EP400: variants seen among roughly 807,000 people sequenced by gnomAD.
EP400 encodes E1A binding protein p400, also known as E1A-binding protein p400.
In EP400, 105 loss-of-function variants were observed where a neutral mutation model predicts 354.1. The observed-to-expected ratio is 0.30, with a 90% CI of 0.25 to 0.35. The LOEUF is 0.35. Ranked by LOEUF, EP400 falls within the 10% of genes least tolerant of loss-of-function variation. EP400 has a pLI of 1.00. For synonymous variants in EP400, 1,646 were observed against 1,716.9 expected (o/e 0.96, Z 1.02); for missense variants, 3,280 against 4,121.0 (o/e 0.80, Z 5.59).
In EP400 at chr12:132,018,579, C is replaced by T. The variant is rs1023555777; in HGVS notation, c.4277+203C>T. Among the ~76,000 whole-genome samples, 8 of 152,232 alleles carry T rather than the reference C, an allele frequency of 5.3e-5. No individual in the cohort carries two copies. Among genetic ancestry groups the T allele is most frequent in the African/African-American group, 1.7e-4 (7 of 41,458 alleles). On this transcript the variant is annotated intron_variant, in intron 21 of 52. Coordinates refer to ENST00000389561, the MANE Select transcript of EP400 (RefSeq NM_015409.5). This position sits in a 1 kb window ranked among gnomAD's most constrained non-coding sequence, Gnocchi z 4.0. ...TGTGGTGCAGTGCAACTGCTTGCCTCCCTGAGCAGCAACCTCCTTGATCGT... is the reference window on the plus strand; with the variant it reads ...TGTGGTGCAGTGCAACTGCTTGCCTTCCTGAGCAGCAACCTCCTTGATCGT...
At chr12:131,981,626 G>A (rs1055278928) in intron 4 of EP400, 30 bp downstream of exon 4, 20 of 1,551,784 alleles carry the variant, frequency 1.3e-5, no homozygotes, top group South Asian at 2.3e-5. Flanking sequence ...CCAGCTCCCC[G>A]CTCAGGAGCA....
chr12:132,053,330 C>T lies in EP400; in HGVS notation c.7474-13C>T, dbSNP rs1163644158. The T allele has an allele frequency of 6.3e-7, 1 of 1,590,058 alleles. No individual in the cohort carries two copies. Among genetic ancestry groups the T allele is most frequent in the East Asian group, 2.2e-5 (1 of 44,724 alleles). ...GCCCCTCCAGTGGCTCCTCTTCCTTCCTGGCCCCTCAGGCTCTGGCTGATC... is the reference window on the plus strand; with the variant it reads ...GCCCCTCCAGTGGCTCCTCTTCCTTTCTGGCCCCTCAGGCTCTGGCTGATC... On this transcript the variant is annotated splice_polypyrimidine_tract_variant and intron_variant, in intron 42 of 52. Coordinates refer to ENST00000389561, the MANE Select transcript of EP400 (RefSeq NM_015409.5).
At chr12:132,064,314 A>G (rs987339191) in intron 47 of EP400, among the ~76,000 whole-genome samples, 21 of 152,244 alleles carry the variant, frequency 1.4e-4, no homozygotes, top group African/African-American at 4.6e-4. Flanking sequence ...TGATCAACTC[A>G]GTATAGGTTT....
intron 19 of EP400, among the ~76,000 whole-genome samples, chr12:132,015,990 AC>A: frequency 6.6e-6 from 1 of 151,012 alleles, no homozygotes; most frequent in Non-Finnish European, 1.5e-5. Context: ...ACCTGCCCAG[AC>A]CCCCCTGTGC....
chr12:131,991,443 A>G lies in EP400; in HGVS notation c.2666A>G (p.Gln889Arg). Residue 889 changes from glutamine (Q) to arginine (R), a missense_variant, in exon 10 of 53, where the codon CAG (glutamine) becomes CGG (arginine). Transcript: ENST00000389561. ...ELRPKGFDALQESSLDSGMSG... is the reference protein window; with the variant it reads ...ELRPKGFDALRESSLDSGMSG... ...AGACCTAAAGGATTTGACGCATTAC[A>G]GGAAAGTTCTCTGGTAAGTTTGGGG... 6.2e-7 allele frequency: 1 copy of G among 1,614,076 alleles called. No individual in the cohort carries two copies. Among genetic ancestry groups the G allele is most frequent in the Non-Finnish European group, 8.5e-7 (1 of 1,179,972 alleles).
intron 50 of EP400, 40 bp from the exon 51 acceptor site, chr12:132,069,455 G>A: frequency 6.2e-7 from 1 of 1,603,854 alleles, no homozygotes; most frequent in Non-Finnish European, 8.5e-7. Context: ...CTTGAGCGCG[G>A]CATGGTCTCT....
chr12:131,955,574 G>T (rs886183380), intron 1 of EP400, among the ~76,000 whole-genome samples: 13 of 150,872 alleles, frequency 8.6e-5, no homozygotes, highest in African/African-American at 4.9e-5. Flanking sequence ...GAGCCAGCGT[G>T]CTCATCCAAG....
At chr12:131,970,545 A>G (rs1467527940) in intron 2 of EP400, among the ~76,000 whole-genome samples, 3 of 152,218 alleles carry the variant, frequency 2.0e-5, no homozygotes, top group East Asian at 3.8e-4. Flanking sequence ...GGAAAGAACC[A>G]GATTGTCCAT....
At chr12:131,973,988 ATTTTT>A (rs57974341) in intron 2 of EP400, among the ~76,000 whole-genome samples, 1 of 128,744 alleles carries the variant, frequency 7.8e-6, no homozygotes, top group Non-Finnish European at 1.7e-5. Flanking sequence ...ATGTGTTTGT[ATTTTT>A]TTTTTTTTTT....
intron 48 of EP400, chr12:132,065,143 C>G (rs564708501): frequency 3.1e-6 from 2 of 641,646 alleles, no homozygotes; most frequent in South Asian, 2.1e-5. Flanking sequence ...GGAGAGTGAG[C>G]GAGGTGAGAT....
At position 132,044,730 on chromosome 12, in the gene EP400, C is replaced by T; in HGVS notation, c.6630+15C>T. ...AAGTCATGCCGGTGAGTGCTGCCCT[C>T]TCCCTTTGTGTCTGTGTGGGCAGCT... On this transcript the variant is annotated intron_variant, in intron 36 of 52. Transcript: ENST00000389561. The T allele has an allele frequency of 2.5e-6, 4 of 1,614,224 alleles. No individual in the cohort carries two copies. The South Asian group carries it at 4.4e-5, about 18-fold the overall frequency.
chr12:132,076,623 A>C, intron 52 of EP400, 30 bp downstream of exon 52: 6 of 1,581,930 alleles, frequency 3.8e-6, no homozygotes, highest in Non-Finnish European at 5.2e-6. Context: ...TGGAAACCTC[A>C]CATTTCCCAG....
At chr12:132,006,412 C>A in intron 14 of EP400, 110 bp downstream of exon 14, 1 of 1,281,426 alleles carries the variant, frequency 7.8e-7, no homozygotes, top group Non-Finnish European at 1.1e-6. Context: ...ATCCCAACTG[C>A]AGAGTTGTCA....
At chr12:131,966,723 G>A (rs1442643645) in intron 2 of EP400, among the ~76,000 whole-genome samples, 2 of 151,386 alleles carry the variant, frequency 1.3e-5, no homozygotes, top group South Asian at 4.2e-4. Flanking sequence ...GGCCAACATG[G>A]TGAAACTCCA....
At chr12:131,972,571 T>C (rs1892328440) in intron 2 of EP400, among the ~76,000 whole-genome samples, 1 of 152,126 alleles carries the variant, frequency 6.6e-6, no homozygotes, top group South Asian at 2.1e-4. Context: ...GATTTTTAGG[T>C]GATACTGAGT....
chr12:132,019,333 C>T (rs1422611818), intron 21 of EP400, among the ~76,000 whole-genome samples: 14 of 152,196 alleles, frequency 9.2e-5, no homozygotes, highest in Admixed American at 7.8e-4. Flanking sequence ...TGAGACCACA[C>T]GCCCGGCCTA....
intron 5 of EP400, among the ~76,000 whole-genome samples, chr12:131,983,538 C>T (rs1043311813): frequency 3.3e-5 from 5 of 152,342 alleles, no homozygotes; most frequent in Admixed American, 1.3e-4. Flanking sequence ...ACAGGGAGGC[C>T]GGGGAGGACT....
chr12:131,983,739 A>G (rs1011350237), intron 5 of EP400, among the ~76,000 whole-genome samples: 1 of 152,052 alleles, frequency 6.6e-6, no homozygotes, highest in Admixed American at 6.5e-5. Context: ...GAATGCAGTG[A>G]CACGATCTCT....
At chr12:132,024,018 C>A in intron 24 of EP400, 77 bp downstream of exon 24, 1 of 1,397,582 alleles carries the variant, frequency 7.2e-7, no homozygotes, top group Non-Finnish European at 9.4e-7. Flanking sequence ...GCCCACGGGC[C>A]TGCCTTGTGC....
Sources: allele counts gnomAD v4.1 joint callset (sites outside exome capture counted in the v4.1 genomes callset), GRCh38; gene constraint gnomAD v4.1.1; non-coding constraint Gnocchi (gnomAD v3.1); transcripts MANE v1.5; gene names NCBI Gene and HGNC (gene_info 2026-07-23, HGNC 2026-07-21).